TLNRD1: variants seen among roughly 807,000 people sequenced by gnomAD.
TLNRD1 encodes the protein talin rod domain-containing protein 1.
In TLNRD1, 14 loss-of-function variants were observed where a neutral mutation model predicts 19.5. The observed-to-expected ratio is 0.72, with a 90% confidence interval of 0.47 to 1.12. The LOEUF is 1.12. Ranked by LOEUF, TLNRD1 falls within the 50% of genes most tolerant of loss-of-function variation. TLNRD1 has a pLI of 0.00. For missense variants in TLNRD1, 569 were observed against 531.9 expected (o/e 1.07, Z -0.69); for synonymous variants, 345 against 261.7 (o/e 1.32, Z -3.07).
Position 81,003,427 on chromosome 15 carries a change from C to G in TLNRD1, c.*67C>G. On this transcript the variant is annotated 3_prime_UTR_variant, in exon 1 of 1. Transcript: ENST00000267984. The stretch of plus-strand genomic sequence containing the variant: ...GAAGATACTTACTCTCTGCCCCTCT[C>G]CATTTATACCAAAGAAATCATAGGT... 1 of 1,458,026 alleles carries G rather than the reference C, an allele frequency of 6.9e-7. No individual in the cohort carries two copies. The highest frequency in any genetic ancestry group is 9.2e-7 in the Non-Finnish European group (1 of 1,089,276). 90.3% of individuals were successfully genotyped at this position (1,458,026 alleles called of 1,614,324 possible). A position where few individuals can be genotyped will look rare whatever the true frequency, so the allele number is the denominator to read the frequency against.
chr15:81,001,827 A>C lies in TLNRD1; in HGVS notation c.-445A>C, dbSNP rs780297171. Reference sequence around the variant, plus strand: ...GATTTTGATTTCAAAGAAAGGAAGGAAGGAAGGACAACTCCCAGCTTCCCC... The same window carrying C: ...GATTTTGATTTCAAAGAAAGGAAGGCAGGAAGGACAACTCCCAGCTTCCCC... On this transcript the variant is annotated 5_prime_UTR_variant, in exon 1 of 1. Coordinates refer to ENST00000267984, the MANE Select transcript of TLNRD1 (RefSeq NM_022566.3). The C allele has an allele frequency of 1.3e-5, 2 of 153,674 alleles. No homozygotes were observed. Among genetic ancestry groups the C allele is most frequent in the Non-Finnish European group, 2.9e-5 (2 of 69,192 alleles). The allele number at this position is 153,674 out of a possible 1,614,324, so 9.5% of individuals were successfully genotyped here.
In TLNRD1 at chr15:81,002,610, G is replaced by A. The variant is rs765803859; in HGVS notation, c.339G>A (p.Val113=). ...TCGGGGAGGCGGGGGACAGCCTGGT[G>A]GAGCTGGGCGACCTGGTGGTGTCGC... ...GRFGEAGDSL[V]ELGDLVVSLT... The change falls in exon 1 of 1, where the codon GTG becomes GTA. Residue 113 remains valine, a synonymous_variant. Coordinates refer to ENST00000267984, the MANE Select transcript of TLNRD1 (RefSeq NM_022566.3). The A allele has an allele frequency of 2.0e-6, 3 of 1,482,838 alleles. No individual in the cohort carries two copies. The highest frequency in any genetic ancestry group is 2.7e-6 in the Non-Finnish European group (3 of 1,126,160). The allele number at this position is 1,482,838 out of a possible 1,614,324, so 91.9% of individuals were successfully genotyped here.
At position 81,003,438 on chromosome 15, in the gene TLNRD1, A is replaced by G; in HGVS notation, c.*78A>G. 3 of 1,428,164 alleles carry G rather than the reference A, an allele frequency of 2.1e-6. No individual in the cohort carries two copies. The highest frequency in any genetic ancestry group is 1.5e-5 in the African/African-American group (1 of 67,440). 88.5% of individuals were successfully genotyped at this position (1,428,164 alleles called of 1,614,324 possible). A position where few individuals can be genotyped will look rare whatever the true frequency, so the allele number is the denominator to read the frequency against. On this transcript the variant is annotated 3_prime_UTR_variant, in exon 1 of 1. Transcript: ENST00000267984. Reference sequence around the variant, plus strand: ...CTCTCTGCCCCTCTCCATTTATACCAAAGAAATCATAGGTGAAACCCCCTA... The same window carrying G: ...CTCTCTGCCCCTCTCCATTTATACCGAAGAAATCATAGGTGAAACCCCCTA...
At position 81,005,740 on chromosome 15, in the gene TLNRD1, A is replaced by G. The variant is rs1249163817; in HGVS notation, c.*2380A>G. ...CTTTATGCTCTACGTTTGGTCATGT[A>G]ACATGCATAATCTCTGTTCTCTGAA... On this transcript the variant is annotated 3_prime_UTR_variant, in exon 1 of 1. Transcript: ENST00000267984. 1 of 167,100 alleles carries G rather than the reference A, an allele frequency of 6.0e-6. No homozygotes were observed. The highest frequency in any genetic ancestry group is 1.5e-5 in the Non-Finnish European group (1 of 68,118). The allele number at this position is 167,100 out of a possible 1,614,324, so 10.4% of individuals were successfully genotyped here.
chr15:81,003,449 A>G lies in TLNRD1; in HGVS notation c.*89A>G. On this transcript the variant is annotated 3_prime_UTR_variant, in exon 1 of 1. Transcript: ENST00000267984. The stretch of plus-strand genomic sequence containing the variant: ...TCTCCATTTATACCAAAGAAATCAT[A>G]GGTGAAACCCCCTACCCTCCCCAAC... 1.5e-6 allele frequency: 2 copies of G among 1,372,880 alleles called. No homozygotes were observed. Among genetic ancestry groups the G allele is most frequent in the Admixed American group, 2.6e-5 (1 of 38,150 alleles). The allele number at this position is 1,372,880 out of a possible 1,614,324, so 85.0% of individuals were successfully genotyped here.
rs1157481402 is a variant in TLNRD1 at position 81,001,642 on chromosome 15, C to T, written c.-630C>T. The T allele has an allele frequency of 6.6e-6, 1 of 151,644 alleles. No homozygotes were observed. Among genetic ancestry groups the T allele is most frequent in the Non-Finnish European group, 1.5e-5 (1 of 67,852 alleles). The allele number at this position is 151,644 out of a possible 1,614,324, so 9.4% of individuals were successfully genotyped here. ...AGATGCGCCCGGGGCGGCCGCGCGT[C>T]CCAGAGAGCCAGCCCCGGCCGCCGT... On this transcript the variant is annotated 5_prime_UTR_variant, in exon 1 of 1. Coordinates refer to ENST00000267984, the MANE Select transcript of TLNRD1 (RefSeq NM_022566.3).
chr15:81,002,243 C>T lies in TLNRD1; in HGVS notation c.-29C>T. ...GCAGCGGCGGTGGTAGCGGGCTCCCCAGCGGCATGCCAGTGCCCCCCGGGC... is the reference window on the plus strand; with the variant it reads ...GCAGCGGCGGTGGTAGCGGGCTCCCTAGCGGCATGCCAGTGCCCCCCGGGC... On this transcript the variant is annotated 5_prime_UTR_variant, in exon 1 of 1. Transcript: ENST00000267984. The T allele has an allele frequency of 1.6e-6, 2 of 1,252,086 alleles. No individual in the cohort carries two copies. The highest frequency in any genetic ancestry group is 2.0e-6 in the Non-Finnish European group (2 of 999,138). The allele number at this position is 1,252,086 out of a possible 1,614,324, so 77.6% of individuals were successfully genotyped here. A position where few individuals can be genotyped will look rare whatever the true frequency, so the allele number is the denominator to read the frequency against.
At position 81,003,045 on chromosome 15, in the gene TLNRD1, G is replaced by A; in HGVS notation, c.774G>A (p.Val258=). Residue 258 remains valine, a synonymous_variant, in exon 1 of 1, where the codon GTG becomes GTA. Coordinates refer to ENST00000267984, the MANE Select transcript of TLNRD1 (RefSeq NM_022566.3). ...TCAGCGGGCCCCTGGTGCAGGCAGT[G>A]AGCGCCCTGGTAGGCTTCGCCACCG... ...ALFSGPLVQA[V]SALVGFATEP... The A allele has an allele frequency of 6.5e-7, 1 of 1,548,418 alleles. No individual in the cohort carries two copies. The highest frequency in any genetic ancestry group is 8.7e-7 in the Non-Finnish European group (1 of 1,153,280).
At position 81,003,525 on chromosome 15, in the gene TLNRD1, T is replaced by C. The variant is rs919010369; in HGVS notation, c.*165T>C. On this transcript the variant is annotated 3_prime_UTR_variant, in exon 1 of 1. Transcript: ENST00000267984. ...ACAAGGCAGGGCCATGCACGCAACCTGCACACGCACTTGGAGGGCCCAGGT... is the reference window on the plus strand; with the variant it reads ...ACAAGGCAGGGCCATGCACGCAACCCGCACACGCACTTGGAGGGCCCAGGT... 2 of 756,826 alleles carry C rather than the reference T, an allele frequency of 2.6e-6. No homozygotes were observed. Among genetic ancestry groups the C allele is most frequent in the African/African-American group, 3.6e-5 (2 of 56,224 alleles). 46.9% of individuals were successfully genotyped at this position (756,826 alleles called of 1,614,324 possible).
rs1467161122 is a variant in TLNRD1, at chr15:81,001,608, G to A, written c.-664G>A. On this transcript the variant is annotated 5_prime_UTR_variant, in exon 1 of 1. Transcript: ENST00000267984. ...CCGCCGGCGCCGCTTCCCAAGAGCT[G>A]GAGGCAGGAGATGCGCCCGGGGCGG... 1 of 151,888 alleles carries A rather than the reference G, an allele frequency of 6.6e-6. No individual in the cohort carries two copies. The highest frequency in any genetic ancestry group is 2.4e-5 in the African/African-American group (1 of 41,370). 9.4% of individuals were successfully genotyped at this position (151,888 alleles called of 1,614,324 possible).
Position 81,002,964 on chromosome 15 carries a change from C to T in TLNRD1, c.693C>T (p.Cys231=), listed in dbSNP as rs535656571. The stretch of plus-strand genomic sequence containing the variant: ...CCAGCGCGTCGGCGCTGCTGGCCTG[C>T]GTGCGCGAGGTGAAGGTGGCGCCCA... ...MSTSASALLA[C]VREVKVAPSE... Residue 231 remains cysteine (C), a synonymous_variant, in exon 1 of 1, where the codon TGC becomes TGT. Transcript: ENST00000267984. 1.2e-5 allele frequency: 19 copies of T among 1,586,376 alleles called. No individual in the cohort carries two copies. In the African/African-American group the frequency reaches 1.3e-4, roughly 11 times the overall value.
rs1360264875 is a variant in TLNRD1, at chr15:81,005,398, A to G, written c.*2038A>G. On this transcript the variant is annotated 3_prime_UTR_variant, in exon 1 of 1. Coordinates refer to ENST00000267984, the MANE Select transcript of TLNRD1 (RefSeq NM_022566.3). ...GCATATAGAAATTTTTATTTATTGAATGTACACAAGTAATGATGGAGTTTG... is the reference window on the plus strand; with the variant it reads ...GCATATAGAAATTTTTATTTATTGAGTGTACACAAGTAATGATGGAGTTTG... 6.0e-6 allele frequency: 1 copy of G among 167,088 alleles called. No homozygotes were observed. The highest frequency in any genetic ancestry group is 1.9e-4 in the East Asian group (1 of 5,210). The allele number at this position is 167,088 out of a possible 1,614,324, so 10.4% of individuals were successfully genotyped here. A position where few individuals can be genotyped will look rare whatever the true frequency, so the allele number is the denominator to read the frequency against.
Position 81,002,100 on chromosome 15 carries a change from G to A in TLNRD1, c.-172G>A. 4.1e-6 allele frequency: 3 copies of A among 733,446 alleles called. No homozygotes were observed. Among genetic ancestry groups the A allele is most frequent in the East Asian group, 8.5e-5 (2 of 23,628 alleles). The allele number at this position is 733,446 out of a possible 1,614,324, so 45.4% of individuals were successfully genotyped here. On this transcript the variant is annotated 5_prime_UTR_variant, in exon 1 of 1. Coordinates refer to ENST00000267984, the MANE Select transcript of TLNRD1 (RefSeq NM_022566.3). ...CCCACCCCGCGCCGCCCGGGCTCCC[G>A]CCGCCGCAGCCCAGTGCCCTCTGCC...
At position 81,003,163 on chromosome 15, in the gene TLNRD1, G is replaced by C. The variant is rs1412353547; in HGVS notation, c.892G>C (p.Ala298Pro). The C allele has an allele frequency of 1.9e-6, 3 of 1,573,728 alleles. No homozygotes were observed. Among genetic ancestry groups the C allele is most frequent in the Non-Finnish European group, 2.6e-6 (3 of 1,159,774 alleles). ...GGGCGGCGCCATGAGCGTGGTGTCG[G>C]CCTGCGTGCTCCTGACCCAGTGCCT... ...ILGGAMSVVS[A>P]CVLLTQCLRD... Residue 298 changes from alanine to proline, a missense_variant, in exon 1 of 1, where the codon GCC becomes CCC. Transcript: ENST00000267984.
chr15:81,003,590 A>C lies in TLNRD1; in HGVS notation c.*230A>C, dbSNP rs1595891451. 4 of 475,400 alleles carry C rather than the reference A, an allele frequency of 8.4e-6. No homozygotes were observed. The East Asian group carries it at 1.4e-4, about 16-fold the overall frequency. 29.4% of individuals were successfully genotyped at this position (475,400 alleles called of 1,614,324 possible). A position where few individuals can be genotyped will look rare whatever the true frequency, so the allele number is the denominator to read the frequency against. Reference sequence around the variant, plus strand: ...CCCCATGCAGTAGGGACTGGAAGATATGTCATCTGCTGGTTGTGTTATCAC... The same window carrying C: ...CCCCATGCAGTAGGGACTGGAAGATCTGTCATCTGCTGGTTGTGTTATCAC... On this transcript the variant is annotated 3_prime_UTR_variant, in exon 1 of 1. Coordinates refer to ENST00000267984, the MANE Select transcript of TLNRD1 (RefSeq NM_022566.3).
chr15:81,003,011 G>C lies in TLNRD1; in HGVS notation c.740G>C (p.Cys247Ser). 6.4e-7 allele frequency: 1 copy of C among 1,563,116 alleles called. No individual in the cohort carries two copies. The highest frequency in any genetic ancestry group is 1.1e-5 in the South Asian group (1 of 86,984). ...CCCAGTGAGCTGGCGCGCAGCCGCT[G>C]TGCGCTCTTCAGCGGGCCCCTGGTG... ...VAPSELARSR[C>S]ALFSGPLVQA... The change falls in exon 1 of 1, where the codon TGT becomes TCT. Residue 247 changes from cysteine to serine, a missense_variant. Transcript: ENST00000267984.
At position 81,001,509 on chromosome 15, in the gene TLNRD1, A is replaced by C. The variant is rs1310374323; in HGVS notation, c.-763A>C. The C allele has an allele frequency of 1.3e-5, 2 of 151,622 alleles. No individual in the cohort carries two copies. The highest frequency in any genetic ancestry group is 2.9e-5 in the Non-Finnish European group (2 of 67,854). 9.4% of individuals were successfully genotyped at this position (151,622 alleles called of 1,614,324 possible). A position where few individuals can be genotyped will look rare whatever the true frequency, so the allele number is the denominator to read the frequency against. On this transcript the variant is annotated 5_prime_UTR_variant, in exon 1 of 1. Coordinates refer to ENST00000267984, the MANE Select transcript of TLNRD1 (RefSeq NM_022566.3). ...CGCGATCCGGGCGGCCGCTGTGCGC[A>C]ATCAGTGCAGGCTCCCGCCCGACTC...
At position 81,002,998 on chromosome 15, in the gene TLNRD1, G is replaced by A. The variant is rs1348625900; in HGVS notation, c.727G>A (p.Ala243Thr). ...GGTGAAGGTGGCGCCCAGTGAGCTG[G>A]CGCGCAGCCGCTGTGCGCTCTTCAG... is the stretch of plus-strand genomic sequence containing the variant. ...REVKVAPSEL[A>T]RSRCALFSGP... The change falls in exon 1 of 1, where the codon GCG becomes ACG. Residue 243 changes from alanine to threonine, a missense_variant. Physicochemically the swap from Ala to Thr is moderately conservative, Grantham distance 58 (BLOSUM62 0). Transcript: ENST00000267984. 6.4e-7 allele frequency: 1 copy of A among 1,567,074 alleles called. No individual in the cohort carries two copies. Among genetic ancestry groups the A allele is most frequent in the Non-Finnish European group, 8.6e-7 (1 of 1,162,930 alleles).
Position 81,003,311 on chromosome 15 carries a change from G to C in TLNRD1, c.1040G>C (p.Arg347Thr), listed in dbSNP as rs1284190618. The change falls in exon 1 of 1, where the codon AGG becomes ACG. Residue 347 changes from arginine (R) to threonine (T), a missense_variant. Arg to Thr is a moderately conservative substitution (Grantham distance 71, BLOSUM62 -1). Coordinates refer to ENST00000267984, the MANE Select transcript of TLNRD1 (RefSeq NM_022566.3). ...CTLLSQALRERSSPRTLPPVN... is the reference protein window; with the variant it reads ...CTLLSQALRETSSPRTLPPVN... ...CTGCTATCTCAGGCTTTAAGGGAGAGGTCTTCGCCCAGGACTTTACCGCCA... is the reference window on the plus strand; with the variant it reads ...CTGCTATCTCAGGCTTTAAGGGAGACGTCTTCGCCCAGGACTTTACCGCCA... The C allele has an allele frequency of 3.7e-6, 6 of 1,610,602 alleles. No homozygotes were observed. The African/African-American group carries it at 4.0e-5, about 11-fold the overall frequency.
Sources: allele counts gnomAD v4.1 joint callset, GRCh38; gene constraint gnomAD v4.1.1; transcripts MANE v1.5; gene names NCBI Gene and HGNC (gene_info 2026-07-23, HGNC 2026-07-21).